Variants in DOCK9 observed in about 807,000 individuals in gnomAD.
DOCK9 encodes dedicator of cytokinesis protein 9.
DOCK9 carries 89 observed loss-of-function variants against 263.3 expected under a neutral mutation model. That is an observed-to-expected ratio of 0.34 (90% CI 0.28 to 0.40). The LOEUF is 0.40. Ranked by LOEUF, DOCK9 falls within the 10% of genes least tolerant of loss-of-function variation. The pLI is 1.00. For missense variants in DOCK9, 2,140 were observed against 2,603.4 expected (o/e 0.82, Z 3.87); for synonymous variants, 976 against 973.1 (o/e 1.00, Z -0.06).
intron 15 of DOCK9, among the ~76,000 whole-genome samples, chr13:98,893,399 A>T (rs2046923513): frequency 6.6e-6 from 1 of 152,214 alleles, no homozygotes; most frequent in Admixed American, 6.5e-5. Flanking sequence ...AAGTTGGAAA[A>T]GATGAGATAC....
rs758759086 is a variant in DOCK9 at position 98,809,585 on chromosome 13, A to T, written c.5254-120T>A. The T allele has an allele frequency of 3.8e-6, 3 of 787,040 alleles. No homozygotes were observed. In the East Asian group the frequency reaches 8.1e-5, roughly 21 times the overall value. The allele number at this position is 787,040 out of a possible 1,614,324, so 48.8% of individuals were successfully genotyped here. On this transcript the variant is annotated intron_variant, in intron 46 of 52. Coordinates refer to ENST00000682017, the MANE Select transcript of DOCK9 (RefSeq NM_001366683.2). ...AACTTGAATAAAAATACACACACAC[A>T]CATTTTGGCTGCACAACTTGTAGTG...
Position 98,922,130 on chromosome 13 carries a change from C to G in DOCK9, c.503G>C (p.Gly168Ala), listed in dbSNP as rs1314652051. The G allele has an allele frequency of 5.0e-6, 8 of 1,596,252 alleles. No homozygotes were observed. The highest frequency in any genetic ancestry group is 6.8e-6 in the Non-Finnish European group (8 of 1,171,638). Reference protein sequence around the residue: ...VDKDEDAASLGSQKGGITKHG... With the variant: ...VDKDEDAASLASQKGGITKHG... ...CTTGGTGATCCCACCCTTCTGGGAA[C>G]CAAGGGAGGCAGCATCCTAGGAGAG... The change falls in exon 6 of 53, where the codon GGT becomes GCT. Residue 168 changes from glycine to alanine, a missense_variant. Gly to Ala is a moderately conservative substitution (Grantham distance 60). Around this residue, in one of 2 missense-constraint regions of DOCK9, gnomAD observed 1,521 missense variants for 1,741.7 expected, o/e 0.87. Transcript: ENST00000682017.
intron 38 of DOCK9, among the ~76,000 whole-genome samples, chr13:98,842,623 C>T (rs1041403343): frequency 6.6e-6 from 1 of 152,170 alleles, no homozygotes; most frequent in Non-Finnish European, 1.5e-5. Context: ...TAAGTTTTCA[C>T]CTCATAATGT....
Position 98,881,921 on chromosome 13 carries a change from T to C in DOCK9, c.2646A>G (p.Thr882=), listed in dbSNP as rs1415911552. 1 of 1,593,478 alleles carries C rather than the reference T, an allele frequency of 6.3e-7. No individual in the cohort carries two copies. Among genetic ancestry groups the C allele is most frequent in the Admixed American group, 1.8e-5 (1 of 57,114 alleles). Residue 882 remains threonine, a synonymous_variant, in exon 24 of 53, where the codon ACA becomes ACG. Coordinates refer to ENST00000682017, the MANE Select transcript of DOCK9 (RefSeq NM_001366683.2). The part of the protein sequence containing the change: ...NQLFRVLTRA[T]QEEVAVNVTR... ...TCACGTTAACCGCGACTTCTTCCTG[T>C]GTGGCTCTGGTGAGGACTCGGAACA...
In DOCK9 at chr13:98,880,014, G is replaced by A. The variant is rs139578400; in HGVS notation, c.2872-45C>T. ...GACCCAGTAAGAACACAACAAACTG[G>A]TAGGTAAGACATGAACTCTCTCAGG... is the stretch of plus-strand genomic sequence containing the variant. On this transcript the variant is annotated intron_variant, in intron 26 of 52. Transcript: ENST00000682017. 186 of 1,451,282 alleles carry A rather than the reference G, an allele frequency of 1.3e-4. No individual in the cohort carries two copies. The African/African-American group carries it at 2.1e-3, about 16-fold the overall frequency. 89.9% of individuals were successfully genotyped at this position (1,451,282 alleles called of 1,614,324 possible). A position where few individuals can be genotyped will look rare whatever the true frequency, so the allele number is the denominator to read the frequency against.
chr13:98,853,628 C>T (rs1364578233), intron 34 of DOCK9, 106 bp from the exon 35 acceptor site: 1 of 834,036 alleles, frequency 1.2e-6, no homozygotes, highest in Non-Finnish European at 2.0e-6. Flanking sequence ...TCAGATCATA[C>T]ACATTGGAAG....
At chr13:98,991,322 G>A (rs373296245) in intron 1 of DOCK9, among the ~76,000 whole-genome samples, 37 of 152,104 alleles carry the variant, frequency 2.4e-4, no homozygotes, top group African/African-American at 3.1e-4. Context: ...CTCCTGCCTC[G>A]GCCTCCCAAA....
At chr13:98,894,887 TTG>T (rs2047146311) in intron 15 of DOCK9, among the ~76,000 whole-genome samples, 1 of 146,234 alleles carries the variant, frequency 6.8e-6, no homozygotes, top group South Asian at 2.2e-4. Flanking sequence ...GGCGGGCAGA[TTG>T]CCTGAGGTCA....
At chr13:98,896,448 G>C (rs2139269433) in intron 15 of DOCK9, among the ~76,000 whole-genome samples, 1 of 148,966 alleles carries the variant, frequency 6.7e-6, no homozygotes, top group South Asian at 2.1e-4. Flanking sequence ...AATCATTCTT[G>C]AGTTCTAGAC....
chr13:98,858,602 AAAAG>A (rs2093765367), intron 33 of DOCK9: 1 of 152,246 alleles, frequency 6.6e-6, no homozygotes, highest in Non-Finnish European at 1.5e-5. Flanking sequence ...AGGTACTCCT[AAAAG>A]AGAACAGGGA....
chr13:98,934,886 C>T (rs1258944859), intron 2 of DOCK9, among the ~76,000 whole-genome samples: 1 of 152,164 alleles, frequency 6.6e-6, no homozygotes, highest in Non-Finnish European at 1.5e-5. Context: ...TTACTGGGTC[C>T]CTACTTTCTT....
chr13:98,871,328 A>C (rs2094180030), intron 27 of DOCK9, among the ~76,000 whole-genome samples: 1 of 152,182 alleles, frequency 6.6e-6, no homozygotes, highest in Non-Finnish European at 1.5e-5. Context: ...AATATAGTAA[A>C]ATGTTTGTAT....
In DOCK9 at chr13:98,853,504, A is replaced by G; in HGVS notation, c.3850T>C (p.Leu1284=). The G allele has an allele frequency of 1.2e-6, 2 of 1,613,476 alleles. No individual in the cohort carries two copies. The highest frequency in any genetic ancestry group is 8.5e-7 in the Non-Finnish European group (1 of 1,179,660). The change falls in exon 35 of 53, where the codon TTG becomes CTG. Residue 1284 remains leucine (L), a synonymous_variant. Coordinates refer to ENST00000682017, the MANE Select transcript of DOCK9 (RefSeq NM_001366683.2). ...SLDKHQQSST[L]GNSVVRCDKL... ...TCACAGCGAACCACGGAATTTCCCA[A>G]TGTGCTACTTTGTTGGTGCTAAAAA...
intron 39 of DOCK9, chr13:98,832,006 C>T: frequency 1.8e-6 from 1 of 555,894 alleles, no homozygotes; most frequent in Non-Finnish European, 3.1e-6. Context: ...AGCAAACTAA[C>T]AGAGTTGAAA....
At chr13:98,979,230 A>AGTAGTAGCAGCGGCGGCGGCG (rs1469428296), upstream of DOCK9, among the ~76,000 whole-genome samples, 1 of 116,102 alleles carries the variant, frequency 8.6e-6, no homozygotes, top group Non-Finnish European at 1.8e-5. Context: ...TAGTAGTAGT[A>AGTAGTAGCAGCGGCGGCGGCG]GCAGCAGCGG....
intron 1 of DOCK9, among the ~76,000 whole-genome samples, chr13:99,048,553 G>A (rs1246301491): frequency 1.3e-5 from 2 of 152,188 alleles, no homozygotes; most frequent in East Asian, 1.9e-4. Flanking sequence ...GCTCCTCGGA[G>A]GCAATTCCCT....
At chr13:98,998,738 T>C (rs1008942121) in intron 1 of DOCK9, among the ~76,000 whole-genome samples, 2 of 152,172 alleles carry the variant, frequency 1.3e-5, no homozygotes, top group African/African-American at 4.8e-5. Context: ...CACAGACTCG[T>C]TGGGACCCCT....
Position 98,914,333 on chromosome 13 carries a change from C to T in DOCK9, c.955G>A (p.Ala319Thr). The change falls in exon 9 of 53, where the codon GCC becomes ACC. Residue 319 changes from alanine (A) to threonine (T), a missense_variant. Around this residue, in one of 2 missense-constraint regions of DOCK9, gnomAD observed 1,521 missense variants for 1,741.7 expected, o/e 0.87. Transcript: ENST00000682017. ...AAGATATAAGACGATGTTACCTTGG[C>T]AAGTTCCGGCAGGTAGCTATCTAAA... Reference protein sequence around the residue: ...SGLDSYLPELAKSAREAEIKL... With the variant: ...SGLDSYLPELTKSAREAEIKL... The T allele has an allele frequency of 6.2e-7, 1 of 1,607,850 alleles. No homozygotes were observed. The highest frequency in any genetic ancestry group is 8.5e-7 in the Non-Finnish European group (1 of 1,177,256).
At chr13:98,882,875 C>A (rs953793048) in intron 23 of DOCK9, among the ~76,000 whole-genome samples, 167 bp downstream of exon 23, 6 of 152,146 alleles carry the variant, frequency 3.9e-5, no homozygotes, top group African/African-American at 1.4e-4. Context: ...GGAGTAGTGC[C>A]GTTCCTAGGT....
Sources: gnomAD v4.1 joint callset for allele counts (sites outside exome capture counted in the v4.1 genomes callset) on GRCh38, gnomAD v4.1.1 for gene constraint, gnomAD v4.1.1 regional missense constraint, MANE v1.5 for transcripts, NCBI Gene and HGNC (gene_info 2026-07-23, HGNC 2026-07-21) for gene names.